Variants in ADGRD1 observed in about 807,000 individuals in gnomAD.
ADGRD1 encodes the protein adhesion G protein-coupled receptor D1.
In ADGRD1, 77 loss-of-function variants were observed where a neutral mutation model predicts 113.4. The observed-to-expected ratio is 0.68, with a 90% CI of 0.57 to 0.82. The LOEUF is 0.82. ADGRD1 is among the 40% of genes least tolerant of loss of function. The probability of loss-of-function intolerance (pLI) is 0.00; values close to 1 mark genes in which losing one functional copy is unlikely to be tolerated. For missense variants in ADGRD1, 1,036 were observed against 1,139.1 expected (o/e 0.91, Z 1.30); for synonymous variants, 474 against 475.0 (o/e 1.00, Z 0.03).
At chr12:131,080,963 T>G (rs1566091369) in intron 14 of ADGRD1, among the ~76,000 whole-genome samples, 1 of 152,236 alleles carries the variant, frequency 6.6e-6, no homozygotes, top group African/African-American at 2.4e-5. Context: ...AGTTCTGTTA[T>G]TAGGTGCATG....
intron 13 of ADGRD1, chr12:131,070,409 G>C (rs1885061705): frequency 6.1e-6 from 1 of 162,650 alleles, no homozygotes; most frequent in Non-Finnish European, 1.4e-5. Context: ...GAAGGGCAGC[G>C]ACAGCGTTTT....
chr12:130,957,199 C>T (rs1202680292), intron 2 of ADGRD1: 2 of 152,408 alleles, frequency 1.3e-5, no homozygotes, highest in Non-Finnish European at 2.9e-5. Context: ...CATGTTCACA[C>T]ATGTCCACAC....
At chr12:131,061,066 C>G (rs1053589242) in intron 13 of ADGRD1, among the ~76,000 whole-genome samples, 1 of 152,164 alleles carries the variant, frequency 6.6e-6, no homozygotes, top group African/African-American at 2.4e-5. Flanking sequence ...CCTCCCCCAG[C>G]CCCCACTGCA....
intron 13 of ADGRD1, chr12:131,026,130 C>T (rs1879910961): frequency 6.6e-6 from 1 of 152,288 alleles, no homozygotes; most frequent in Non-Finnish European, 1.5e-5. Flanking sequence ...TGTGCTTCTC[C>T]CCTGCTGGGG....
At chr12:131,121,060 C>T (rs1398614215) in intron 20 of ADGRD1, 147 bp downstream of exon 20, 2 of 693,528 alleles carry the variant, frequency 2.9e-6, no homozygotes, top group South Asian at 1.8e-5. Context: ...TAGGGCTCCT[C>T]TGGGCCAGTG....
At chr12:130,992,876 A>G (rs1055778107) in intron 8 of ADGRD1, among the ~76,000 whole-genome samples, 3 of 152,126 alleles carry the variant, frequency 2.0e-5, no homozygotes, top group Non-Finnish European at 4.4e-5. Flanking sequence ...TGCTCCTCCA[A>G]ATAGTTTCCA....
chr12:131,128,786 T>G (rs1204166191), intron 20 of ADGRD1, among the ~76,000 whole-genome samples: 1 of 152,144 alleles, frequency 6.6e-6, no homozygotes, highest in Non-Finnish European at 1.5e-5. Context: ...AAGAGCTGCC[T>G]GAGTCTGTCT....
At chr12:131,116,480 G>A (rs1950465866) in intron 18 of ADGRD1, among the ~76,000 whole-genome samples, 1 of 142,096 alleles carries the variant, frequency 7.0e-6, no homozygotes, top group South Asian at 2.1e-4. Flanking sequence ...CCTGATGTTT[G>A]GAAGGGCAGG....
At chr12:130,996,227 T>C (rs1875310159) in intron 8 of ADGRD1, among the ~76,000 whole-genome samples, 1 of 114,458 alleles carries the variant, frequency 8.7e-6, no homozygotes, top group Non-Finnish European at 1.9e-5. Context: ...TTTCCCCACC[T>C]TTCCCCCTTT....
chr12:131,036,819 C>T (rs1359381820), intron 13 of ADGRD1, among the ~76,000 whole-genome samples: 2 of 148,564 alleles, frequency 1.3e-5, no homozygotes, highest in Non-Finnish European at 3.0e-5. Context: ...TGCCCCGGGT[C>T]TCACTCACTG....
rs1051350493 is a variant in ADGRD1 at position 130,984,895 on chromosome 12, T to TTC, written c.491-2187_491-2186dup. On this transcript the variant is annotated intron_variant, in intron 5 of 24. Transcript: ENST00000261654. This position sits in a 1 kb window ranked among gnomAD's most constrained non-coding sequence, Gnocchi z 4.1. ...CTTCTTTCCTTCCTTCTTTCTTCTC[T>TTC]TCTCTCTCTCTCTCACTCTCTCTCT... is the stretch of plus-strand genomic sequence containing the variant. Among the ~76,000 whole-genome samples the TTC allele has an allele frequency of 2.0e-5, 3 of 147,300 alleles. No individual in the cohort carries two copies. Among genetic ancestry groups the TTC allele is most frequent in the East Asian group, 2.1e-4 (1 of 4,844 alleles).
chr12:131,139,139 TTCACTGCTCA>T lies in ADGRD1; in HGVS notation c.2530-26_2530-17del. 1 of 1,569,332 alleles carries T rather than the reference TTCACTGCTCA, an allele frequency of 6.4e-7. No individual in the cohort carries two copies. The highest frequency in any genetic ancestry group is 8.8e-7 in the Non-Finnish European group (1 of 1,141,122). Reference sequence around the variant, plus strand: ...TGGCTCTCCCCCTGGGAGCAGGCCCTTCACTGCTCATCCCTTTATGCTTTGCAGATGAATG... The same window carrying T: ...TGGCTCTCCCCCTGGGAGCAGGCCCTTCCCTTTATGCTTTGCAGATGAATG... On this transcript the variant is annotated intron_variant, in intron 24 of 24. Coordinates refer to ENST00000261654, the MANE Select transcript of ADGRD1 (RefSeq NM_198827.5).
intron 13 of ADGRD1, among the ~76,000 whole-genome samples, chr12:131,073,204 TC>T (rs1885316045): frequency 6.6e-6 from 1 of 152,232 alleles, no homozygotes; most frequent in East Asian, 1.9e-4. Context: ...GGCTGCCTCA[TC>T]CATGCTGGAC....
chr12:131,127,026 G>T (rs1172339393), intron 20 of ADGRD1, among the ~76,000 whole-genome samples: 1 of 151,910 alleles, frequency 6.6e-6, no homozygotes, highest in African/African-American at 2.4e-5. Context: ...ATGGTGAGCC[G>T]CTCCTCCTCT....
At chr12:131,019,597 CA>C (rs1879058840) in intron 13 of ADGRD1, among the ~76,000 whole-genome samples, 1 of 151,946 alleles carries the variant, frequency 6.6e-6, no homozygotes, top group South Asian at 2.1e-4. Context: ...GAATAAGCAC[CA>C]AAAATACGTA....
chr12:131,079,761 C>CAG (rs1885925003), intron 14 of ADGRD1, among the ~76,000 whole-genome samples: 1 of 152,142 alleles, frequency 6.6e-6, no homozygotes, highest in Admixed American at 6.5e-5. Context: ...TTTATAGGCA[C>CAG]AGAGTTTTTT....
chr12:131,071,707 G>A (rs964615043), intron 13 of ADGRD1, among the ~76,000 whole-genome samples: 1 of 152,226 alleles, frequency 6.6e-6, no homozygotes, highest in African/African-American at 2.4e-5. Flanking sequence ...GAAGGAGAGA[G>A]TGGAGACCCG....
chr12:131,078,045 G>T (rs1885778231), intron 14 of ADGRD1, among the ~76,000 whole-genome samples: 1 of 152,192 alleles, frequency 6.6e-6, no homozygotes, highest in Non-Finnish European at 1.5e-5. Flanking sequence ...CAACACCTGG[G>T]CATCTTCCTG....
intron 5 of ADGRD1, among the ~76,000 whole-genome samples, chr12:130,982,648 G>A (rs1215667612): frequency 6.6e-6 from 1 of 152,202 alleles, no homozygotes; most frequent in Non-Finnish European, 1.5e-5. Flanking sequence ...AAGGGGCTAG[G>A]GGAGAGCGCA....
Sources: gnomAD v4.1 joint callset for allele counts (sites outside exome capture counted in the v4.1 genomes callset) on GRCh38, gnomAD v4.1.1 for gene constraint, Gnocchi (gnomAD v3.1) non-coding constraint, MANE v1.5 for transcripts, NCBI Gene and HGNC (gene_info 2026-07-23, HGNC 2026-07-21) for gene names.